WFDC1: variants seen among roughly 807,000 people sequenced by gnomAD.
WFDC1 encodes WAP four-disulfide core domain 1, also known as WAP four-disulfide core domain protein 1.
A neutral mutation model predicts 32.9 loss-of-function variants in WFDC1; 39 were observed. The observed-to-expected ratio is 1.19, with a 90% CI of 0.92 to 1.55. The LOEUF (loss-of-function observed/expected upper bound fraction) is 1.55. Ranked by LOEUF, WFDC1 falls within the 40% of genes most tolerant of loss-of-function variation. The pLI, the probability that WFDC1 is intolerant of heterozygous loss-of-function variation, is 0.00. For synonymous variants in WFDC1, 184 were observed against 137.4 expected (o/e 1.34, Z -2.37); for missense variants, 386 against 309.5 (o/e 1.25, Z -1.85).
At chr16:84,302,722 C>T (rs1251694185) in intron 1 of WFDC1, among the ~76,000 whole-genome samples, 6 of 152,184 alleles carry the variant, frequency 3.9e-5, no homozygotes, top group African/African-American at 7.2e-5. Flanking sequence ...GCAATTCGTT[C>T]GCCTTATCTG....
chr16:84,303,559 C>G (rs1907073079), intron 1 of WFDC1, among the ~76,000 whole-genome samples: 1 of 151,978 alleles, frequency 6.6e-6, no homozygotes, highest in Non-Finnish European at 1.5e-5. Flanking sequence ...GATGTAAACT[C>G]TGGTGACATT....
chr16:84,314,073 G>C (rs1270471696), intron 2 of WFDC1, among the ~76,000 whole-genome samples: 1 of 152,010 alleles, frequency 6.6e-6, no homozygotes, highest in Non-Finnish European at 1.5e-5. Flanking sequence ...GAAAAGAAAA[G>C]ACAACGTGCA....
At chr16:84,324,780 T>C (rs375287) in intron 5 of WFDC1, among the ~76,000 whole-genome samples, 113,418 of 152,044 alleles carry the variant, frequency 0.75, 43,217 homozygotes, top group East Asian at 0.83. Context: ...AATCATCCAT[T>C]GATCCATCCA....
intron 1 of WFDC1, among the ~76,000 whole-genome samples, chr16:84,308,655 C>T (rs143904100): frequency 1.3e-3 from 205 of 152,206 alleles, no homozygotes; most frequent in Non-Finnish European, 2.1e-3. Context: ...GTGTACACTC[C>T]ATCCTGAGTG....
At chr16:84,297,932 C>G (rs905356579) in intron 1 of WFDC1, among the ~76,000 whole-genome samples, 1 of 152,114 alleles carries the variant, frequency 6.6e-6, no homozygotes, top group Non-Finnish European at 1.5e-5. Flanking sequence ...TGAGGCACCA[C>G]TCCCTCACCC....
chr16:84,329,488 G>C lies in WFDC1; in HGVS notation c.*182G>C, dbSNP rs1908797883. 6.6e-6 allele frequency: 1 copy of C among 152,158 alleles called. No individual in the cohort carries two copies. The highest frequency in any genetic ancestry group is 6.5e-5 in the Admixed American group (1 of 15,282). The allele number at this position is 152,158 out of a possible 1,614,324, so 9.4% of individuals were successfully genotyped here. A position where few individuals can be genotyped will look rare whatever the true frequency, so the allele number is the denominator to read the frequency against. The stretch of plus-strand genomic sequence containing the variant: ...CCAGTTTGGCCCAGCCTGGTTGGGT[G>C]ACTTTGTGGGAGCCACTTAACAGCT... On this transcript the variant is annotated 3_prime_UTR_variant, in exon 7 of 7. Coordinates refer to ENST00000219454, the MANE Select transcript of WFDC1 (RefSeq NM_021197.4).
intron 4 of WFDC1, among the ~76,000 whole-genome samples, chr16:84,322,289 ATTACTGGTAAT>A (rs946406172): frequency 4.6e-5 from 7 of 151,934 alleles, no homozygotes; most frequent in Non-Finnish European, 8.8e-5. Context: ...CTTAGCAATA[ATTACTGGTAAT>A]TTACTGGTAA....
intron 1 of WFDC1, among the ~76,000 whole-genome samples, chr16:84,302,543 G>A (rs539504575): frequency 1.3e-5 from 2 of 152,062 alleles, no homozygotes; most frequent in East Asian, 3.9e-4. Flanking sequence ...GGTCATCGTA[G>A]CTTCACGCCC....
intron 4 of WFDC1, 109 bp from the exon 5 acceptor site, chr16:84,324,310 G>T: frequency 1.0e-6 from 1 of 956,954 alleles, no homozygotes; most frequent in South Asian, 1.4e-5. Context: ...TTGTACACTA[G>T]TGAGATGGGG....
chr16:84,308,233 G>T (rs544604447), intron 1 of WFDC1, among the ~76,000 whole-genome samples: 3 of 152,098 alleles, frequency 2.0e-5, no homozygotes, highest in Non-Finnish European at 4.4e-5. Context: ...CTCCCTGGGG[G>T]CAGCTGAAAA....
chr16:84,326,793 G>T (rs780480746), intron 5 of WFDC1, 89 bp from the exon 6 acceptor site: 13 of 1,529,262 alleles, frequency 8.5e-6, no homozygotes, highest in Non-Finnish European at 1.2e-5. Context: ...AGGTCACCAG[G>T]CTTCATTTGG....
intron 1 of WFDC1, among the ~76,000 whole-genome samples, chr16:84,302,697 A>G (rs1907014503): frequency 6.6e-6 from 1 of 152,174 alleles, no homozygotes; most frequent in Admixed American, 6.5e-5. Context: ...CTGCTTTTGC[A>G]GATGACCACA....
At chr16:84,321,165 T>A (rs1908282919) in intron 4 of WFDC1, among the ~76,000 whole-genome samples, 1 of 152,216 alleles carries the variant, frequency 6.6e-6, no homozygotes, top group African/African-American at 2.4e-5. Flanking sequence ...GGGCAGCAAA[T>A]AACATAACCT....
intron 3 of WFDC1, chr16:84,319,168 G>T: frequency 1.9e-6 from 1 of 528,132 alleles, no homozygotes; most frequent in Non-Finnish European, 3.4e-6. Context: ...TATGGATGTT[G>T]CTGAGCCTGT....
chr16:84,322,652 G>C (rs1908376437), intron 4 of WFDC1, among the ~76,000 whole-genome samples: 1 of 152,226 alleles, frequency 6.6e-6, no homozygotes, highest in Non-Finnish European at 1.5e-5. Flanking sequence ...CCGTAAGAGA[G>C]GCTTCTAGCG....
Position 84,319,541 on chromosome 16 carries a change from G to A in WFDC1, c.532G>A (p.Gly178Arg). The A allele has an allele frequency of 6.2e-7, 1 of 1,613,000 alleles. No individual in the cohort carries two copies. The highest frequency in any genetic ancestry group is 8.5e-7 in the Non-Finnish European group (1 of 1,179,938). Residue 178 changes from glycine (G) to arginine (R), a missense_variant, in exon 4 of 7, where the codon GGG becomes AGG. Transcript: ENST00000219454. The part of the protein sequence containing the change: ...GDVAEGIPNR[G>R]QCVKQRRQAD... ...CGTGGCCGAAGGTATCCCCAACCGT[G>A]GGCAGTGCGTCAAGCAGCGCCGGCA...
chr16:84,324,383 C>T (rs1908465986), intron 4 of WFDC1, 36 bp from the exon 5 acceptor site: 3 of 1,608,154 alleles, frequency 1.9e-6, no homozygotes, highest in Non-Finnish European at 2.6e-6. Flanking sequence ...CTTCTAAACT[C>T]CTAAAAGAAG....
In WFDC1 at chr16:84,295,025, T is replaced by C; in HGVS notation, c.54T>C (p.Ala18=). 6.2e-7 allele frequency: 1 copy of C among 1,614,214 alleles called. No individual in the cohort carries two copies. The highest frequency in any genetic ancestry group is 8.5e-7 in the Non-Finnish European group (1 of 1,180,032). The part of the protein sequence containing the change: ...PGSCRRQIIR[A]LCLLLLLLHA... ...GCTGCAGGAGGCAGATCATCCGGGC[T>C]CTGTGCCTCTTGCTACTTCTCCTCC... Residue 18 remains alanine, a synonymous_variant, in exon 1 of 7, where the codon GCT becomes GCC. Coordinates refer to ENST00000219454, the MANE Select transcript of WFDC1 (RefSeq NM_021197.4).
chr16:84,302,936 C>G (rs183640203), intron 1 of WFDC1, among the ~76,000 whole-genome samples: 1 of 152,062 alleles, frequency 6.6e-6, no homozygotes, highest in Admixed American at 6.5e-5. Flanking sequence ...ATGGAAAGTT[C>G]TAGAGGACTC....
Sources: gnomAD v4.1 joint callset for allele counts (sites outside exome capture counted in the v4.1 genomes callset) on GRCh38, gnomAD v4.1.1 for gene constraint, MANE v1.5 for transcripts, NCBI Gene and HGNC (gene_info 2026-07-23, HGNC 2026-07-21) for gene names.